ZC3H12C: variants seen among roughly 807,000 people sequenced by gnomAD.
The protein encoded by ZC3H12C is probable ribonuclease ZC3H12C.
A neutral mutation model predicts 76.3 loss-of-function variants in ZC3H12C; 20 were observed. That is an observed-to-expected ratio of 0.26 (90% CI 0.18 to 0.38). The LOEUF is 0.38. Among genes scored for constraint, ZC3H12C ranks in the 10% least tolerant of loss-of-function variants. The pLI is 1.00. For synonymous variants in ZC3H12C, 352 were observed against 399.6 expected, an observed-to-expected ratio of 0.88 and a Z score of 1.42; for missense variants, 874 against 1,086.5, an observed-to-expected ratio of 0.80 and a Z score of 2.75.
chr11:110,158,426 C>T (rs1478985864), intron 3 of ZC3H12C, among the ~76,000 whole-genome samples: 1 of 152,040 alleles, frequency 6.6e-6, no homozygotes, highest in Non-Finnish European at 1.5e-5. Context: ...ACAAGAATCA[C>T]TTGAACCGGG....
chr11:110,120,602 T>C (rs988207358), intron 1 of ZC3H12C, among the ~76,000 whole-genome samples: 1 of 152,196 alleles, frequency 6.6e-6, no homozygotes, highest in Non-Finnish European at 1.5e-5. Flanking sequence ...AACTCAAATT[T>C]TTCACCATTC....
intron 1 of ZC3H12C, among the ~76,000 whole-genome samples, chr11:110,128,679 G>A (rs680837): frequency 1.3e-5 from 2 of 152,078 alleles, no homozygotes; most frequent in Admixed American, 6.6e-5. Context: ...CTTCTACTCA[G>A]TGCACAGCTA....
chr11:110,171,697 A>G lies in ZC3H12C; in HGVS notation c.*5960A>G, dbSNP rs1335484033. On this transcript the variant is annotated 3_prime_UTR_variant, in exon 6 of 6. Coordinates refer to ENST00000278590, the MANE Select transcript of ZC3H12C (RefSeq NM_033390.2). The stretch of plus-strand genomic sequence containing the variant: ...TAGATGCTAAATAAATAAAAGCATC[A>G]TACTTCTCTAGTTTGCCTGCATTCA... 2.6e-5 allele frequency: 4 copies of G among 152,264 alleles called. No individual in the cohort carries two copies. Among genetic ancestry groups the G allele is most frequent in the African/African-American group, 9.6e-5 (4 of 41,474 alleles). 9.4% of individuals were successfully genotyped at this position (152,264 alleles called of 1,614,324 possible).
At chr11:110,114,982 G>A (rs897322117) in intron 1 of ZC3H12C, among the ~76,000 whole-genome samples, 3 of 152,138 alleles carry the variant, frequency 2.0e-5, no homozygotes, top group African/African-American at 7.2e-5. Flanking sequence ...TTATAGGAGA[G>A]GTGGGAGAGT....
chr11:110,152,260 C>A (rs1862285416), intron 2 of ZC3H12C, among the ~76,000 whole-genome samples: 1 of 152,184 alleles, frequency 6.6e-6, no homozygotes, highest in Non-Finnish European at 1.5e-5. Flanking sequence ...ATTTTGAATG[C>A]CCTTTTGTCA....
intron 2 of ZC3H12C, among the ~76,000 whole-genome samples, chr11:110,142,041 T>G (rs564513605): frequency 3.3e-5 from 5 of 152,292 alleles, no homozygotes; most frequent in Admixed American, 3.3e-4. Flanking sequence ...TAGGTGAGTG[T>G]CACAGGTATT....
intron 2 of ZC3H12C, among the ~76,000 whole-genome samples, chr11:110,144,534 A>C (rs916954048): frequency 2.0e-4 from 31 of 152,202 alleles, no homozygotes; most frequent in African/African-American, 7.0e-4. Context: ...TATTTGGAGT[A>C]CTGAAATGTG....
chr11:110,121,788 A>C (rs1261736041), intron 1 of ZC3H12C, among the ~76,000 whole-genome samples: 1 of 152,210 alleles, frequency 6.6e-6, no homozygotes, highest in Non-Finnish European at 1.5e-5. Flanking sequence ...TTATGTTGAG[A>C]GCAAACCTAA....
At chr11:110,153,349 A>G (rs1862311618) in intron 3 of ZC3H12C, among the ~76,000 whole-genome samples, 1 of 151,994 alleles carries the variant, frequency 6.6e-6, no homozygotes, top group African/African-American at 2.4e-5. Context: ...CACCACACGC[A>G]GCTTATTTTT....
In ZC3H12C at chr11:110,164,387, A is replaced by G; in HGVS notation, c.1302A>G (p.Glu434=). The change falls in exon 6 of 6, where the codon GAA becomes GAG. Residue 434 remains glutamate, a synonymous_variant. Transcript: ENST00000278590. This position sits in a 1 kb window ranked among gnomAD's most constrained non-coding sequence, Gnocchi z 5.7. ...ACAAGTGCAAATATTACCATCCCGA[A>G]AGGGGCAGTCAGCCACAGCGGTCAG... ...YGHKCKYYHP[E]RGSQPQRSVA... is the part of the protein sequence containing the mutation. 6.2e-7 allele frequency: 1 copy of G among 1,613,838 alleles called. No individual in the cohort carries two copies. The highest frequency in any genetic ancestry group is 8.5e-7 in the Non-Finnish European group (1 of 1,179,864).
intron 1 of ZC3H12C, among the ~76,000 whole-genome samples, chr11:110,128,748 A>T (rs1046231367): frequency 6.6e-6 from 1 of 151,996 alleles, no homozygotes; most frequent in Non-Finnish European, 1.5e-5. Flanking sequence ...TACGTTTTTC[A>T]TATTTATCCT....
intron 1 of ZC3H12C, among the ~76,000 whole-genome samples, chr11:110,121,679 G>A (rs1446967797): frequency 6.6e-6 from 1 of 152,022 alleles, no homozygotes; most frequent in Admixed American, 6.6e-5. Context: ...TCAGTAGTGT[G>A]AGGCCATTGG....
chr11:110,160,345 A>G (rs889051728), intron 4 of ZC3H12C, among the ~76,000 whole-genome samples: 2 of 152,176 alleles, frequency 1.3e-5, no homozygotes, highest in Non-Finnish European at 2.9e-5. Context: ...TTTTTCAATA[A>G]TATATTAACC....
intron 1 of ZC3H12C, among the ~76,000 whole-genome samples, chr11:110,109,863 A>G (rs1162847765): frequency 6.6e-6 from 1 of 152,058 alleles, no homozygotes; most frequent in Non-Finnish European, 1.5e-5. Flanking sequence ...GGATTTTTAG[A>G]TGGTTGGCTG....
At chr11:110,153,824 T>G (rs775105809) in intron 3 of ZC3H12C, among the ~76,000 whole-genome samples, 5 of 152,298 alleles carry the variant, frequency 3.3e-5, no homozygotes, top group Non-Finnish European at 7.4e-5. Context: ...TAGAAAGAAA[T>G]GTATTTTGCA....
intron 2 of ZC3H12C, among the ~76,000 whole-genome samples, chr11:110,137,964 A>AT (rs1565260893): frequency 6.6e-6 from 1 of 151,970 alleles, no homozygotes; most frequent in African/African-American, 2.4e-5. Flanking sequence ...TTCAGTGATA[A>AT]TTTTTTTGGC....
chr11:110,146,283 C>T (rs1191304347), intron 2 of ZC3H12C, among the ~76,000 whole-genome samples: 1 of 152,110 alleles, frequency 6.6e-6, no homozygotes, highest in African/African-American at 2.4e-5. Flanking sequence ...CCGTCGCGCC[C>T]GGCCCCGTAA....
In ZC3H12C at chr11:110,169,020, A is replaced by G. The variant is rs1210742109; in HGVS notation, c.*3283A>G. 2 of 152,118 alleles carry G rather than the reference A, an allele frequency of 1.3e-5. No individual in the cohort carries two copies. Among genetic ancestry groups the G allele is most frequent in the African/African-American group, 2.4e-5 (1 of 41,422 alleles). The allele number at this position is 152,118 out of a possible 1,614,324, so 9.4% of individuals were successfully genotyped here. A position where few individuals can be genotyped will look rare whatever the true frequency, so the allele number is the denominator to read the frequency against. On this transcript the variant is annotated 3_prime_UTR_variant, in exon 6 of 6. Coordinates refer to ENST00000278590, the MANE Select transcript of ZC3H12C (RefSeq NM_033390.2). ...TCTGATGGCTAACTTTTCTCTAATT[A>G]AACTATGTTTCTTTGAGTTGTGAAC...
intron 3 of ZC3H12C, among the ~76,000 whole-genome samples, chr11:110,157,159 ACGGAGCAAGACTC>A (rs1862391764): frequency 6.7e-6 from 1 of 148,858 alleles, no homozygotes. Context: ...AGCCTGGGTG[ACGGAGCAAGACTC>A]CGTCTCAAAA....
Sources: gnomAD v4.1 joint callset for allele counts (sites outside exome capture counted in the v4.1 genomes callset) on GRCh38, gnomAD v4.1.1 for gene constraint, Gnocchi (gnomAD v3.1) non-coding constraint, MANE v1.5 for transcripts, NCBI Gene and HGNC (gene_info 2026-07-23, HGNC 2026-07-21) for gene names.